CHST11: variants seen among roughly 807,000 people sequenced by gnomAD.
CHST11 encodes the protein C4S-1.
Under a neutral mutation model 30.4 loss-of-function variants are expected in CHST11, and 9 were observed. The observed-to-expected ratio is 0.30, with a 90% CI of 0.18 to 0.52. CHST11 has a LOEUF of 0.52. CHST11 is among the 20% of genes least tolerant of loss of function. The pLI, the probability that CHST11 is intolerant of heterozygous loss-of-function variation, is 0.97. For synonymous variants in CHST11, 152 were observed against 187.8 expected, an observed-to-expected ratio of 0.81 and a Z score of 1.56; for missense variants, 348 against 460.6, an observed-to-expected ratio of 0.76 and a Z score of 2.24.
At chr12:104,549,456 C>G (rs1482532150) in intron 1 of CHST11, among the ~76,000 whole-genome samples, 2 of 152,138 alleles carry the variant, frequency 1.3e-5, no homozygotes, top group African/African-American at 2.4e-5. Flanking sequence ...GCATCCTCTT[C>G]TTAATTTTTG....
chr12:104,496,577 A>G (rs1033431676), intron 1 of CHST11, among the ~76,000 whole-genome samples: 1 of 152,238 alleles, frequency 6.6e-6, no homozygotes, highest in Non-Finnish European at 1.5e-5. Context: ...TAATCCTATC[A>G]GTAAATAATG....
At chr12:104,611,103 T>C (rs1566007189) in intron 2 of CHST11, among the ~76,000 whole-genome samples, 1 of 152,186 alleles carries the variant, frequency 6.6e-6, no homozygotes, top group East Asian at 1.9e-4. Flanking sequence ...AAGTCACATA[T>C]GTCATTTGAA....
At chr12:104,550,045 G>A (rs982551808) in intron 1 of CHST11, among the ~76,000 whole-genome samples, 13 of 152,198 alleles carry the variant, frequency 8.5e-5, no homozygotes, top group Non-Finnish European at 1.5e-5. Flanking sequence ...ATTGCACCGG[G>A]AGTCAGAATC....
At chr12:104,756,739 G>A (rs921062299) in intron 2 of CHST11, among the ~76,000 whole-genome samples, 27 of 151,992 alleles carry the variant, frequency 1.8e-4, no homozygotes, top group African/African-American at 5.8e-4. Context: ...TAGAGATGAG[G>A]TCTCACTATG....
chr12:104,646,432 G>A (rs1040535840), intron 2 of CHST11, among the ~76,000 whole-genome samples: 7 of 152,082 alleles, frequency 4.6e-5, no homozygotes, highest in Non-Finnish European at 1.0e-4. Context: ...CATCGTAGTG[G>A]TGATTAAACC....
chr12:104,629,113 G>A (rs555214225), intron 2 of CHST11, among the ~76,000 whole-genome samples: 1 of 152,336 alleles, frequency 6.6e-6, no homozygotes, highest in South Asian at 2.1e-4. Flanking sequence ...TTAAGAGCAA[G>A]TGCTCTAGAA....
chr12:104,556,580 C>G (rs374334727), intron 1 of CHST11, among the ~76,000 whole-genome samples: 1 of 152,196 alleles, frequency 6.6e-6, no homozygotes, highest in Non-Finnish European at 1.5e-5. Flanking sequence ...TTCCCTGGCC[C>G]GTAGACACGT....
At chr12:104,696,870 C>G (rs1056714947) in intron 2 of CHST11, among the ~76,000 whole-genome samples, 4 of 152,160 alleles carry the variant, frequency 2.6e-5, no homozygotes, top group African/African-American at 9.7e-5. Context: ...TATGTAGGTG[C>G]TATCATACTG....
At chr12:104,510,763 A>G (rs2037957107) in intron 1 of CHST11, among the ~76,000 whole-genome samples, 2 of 151,958 alleles carry the variant, frequency 1.3e-5, no homozygotes, top group Non-Finnish European at 2.9e-5. Context: ...CTGGGAGTGT[A>G]TTTATGAGAA....
chr12:104,696,481 A>T (rs11112172), intron 2 of CHST11, among the ~76,000 whole-genome samples: 1 of 100,744 alleles, frequency 9.9e-6, no homozygotes, highest in African/African-American at 3.6e-5. Flanking sequence ...TGCTAAAAAT[A>T]CAAAAAAAAA....
chr12:104,538,426 G>T (rs1256902464), intron 1 of CHST11, among the ~76,000 whole-genome samples: 1 of 152,140 alleles, frequency 6.6e-6, no homozygotes, highest in Non-Finnish European at 1.5e-5. Flanking sequence ...TCGTCTCTTG[G>T]CTAAGTAGTG....
intron 2 of CHST11, among the ~76,000 whole-genome samples, chr12:104,674,728 C>T (rs1331303571): frequency 2.0e-5 from 3 of 151,722 alleles, no homozygotes; most frequent in Non-Finnish European, 4.4e-5. Context: ...TTTTTTCAGC[C>T]CCTGCCTTGA....
chr12:104,702,736 T>C (rs2040000029), intron 2 of CHST11, among the ~76,000 whole-genome samples: 1 of 152,176 alleles, frequency 6.6e-6, no homozygotes, highest in Admixed American at 6.5e-5. Flanking sequence ...TCAAGCACGT[T>C]GTGAACATTA....
intron 1 of CHST11, among the ~76,000 whole-genome samples, chr12:104,462,480 G>T (rs1329223267): frequency 6.6e-6 from 1 of 152,102 alleles, no homozygotes; most frequent in Non-Finnish European, 1.5e-5. Context: ...AGACTTGCAT[G>T]TGTCTCCACC....
At chr12:104,711,801 C>T (rs890694569) in intron 2 of CHST11, among the ~76,000 whole-genome samples, 1 of 152,142 alleles carries the variant, frequency 6.6e-6, no homozygotes, top group Non-Finnish European at 1.5e-5. Flanking sequence ...GGTTCCAGGT[C>T]CACCTGGGGC....
At chr12:104,558,739 A>G (rs1000676641) in intron 1 of CHST11, among the ~76,000 whole-genome samples, 18 of 151,738 alleles carry the variant, frequency 1.2e-4, no homozygotes, top group Non-Finnish European at 1.2e-4. Context: ...GGGTTTCAAC[A>G]TGTTGCCAAG....
chr12:104,587,837 TG>T (rs1198323133), intron 1 of CHST11, among the ~76,000 whole-genome samples: 122 of 125,896 alleles, frequency 9.7e-4, no homozygotes, highest in African/African-American at 2.8e-3. Context: ...GTTTGTTTTT[TG>T]TTTTTTGTTT....
intron 2 of CHST11, among the ~76,000 whole-genome samples, chr12:104,652,901 C>T (rs1305159898): frequency 6.6e-6 from 1 of 152,232 alleles, no homozygotes; most frequent in Non-Finnish European, 1.5e-5. Flanking sequence ...GCTCCCTACA[C>T]ACTCCCTACG....
chr12:104,512,672 C>G (rs1565969607), intron 1 of CHST11, among the ~76,000 whole-genome samples: 1 of 152,158 alleles, frequency 6.6e-6, no homozygotes, highest in South Asian at 2.1e-4. Flanking sequence ...TGGAAGTTCT[C>G]TAAACAAGAA....
Sources: gnomAD v4.1 joint callset for allele counts (sites outside exome capture counted in the v4.1 genomes callset) on GRCh38, gnomAD v4.1.1 for gene constraint, MANE v1.5 for transcripts, NCBI Gene and HGNC (gene_info 2026-07-23, HGNC 2026-07-21) for gene names.